ZNF765: variants seen among roughly 807,000 people sequenced by gnomAD.
ZNF765 encodes the protein zinc finger protein 765.
A neutral mutation model predicts 44.7 loss-of-function variants in ZNF765; 37 were observed. That is an observed-to-expected ratio of 0.83 (90% CI 0.64 to 1.09). The LOEUF is 1.09. ZNF765 is among the 50% of genes least tolerant of loss of function. The pLI is 0.00. For missense variants in ZNF765, 594 were observed against 626.1 expected (o/e 0.95, Z 0.55); for synonymous variants, 201 against 213.7 (o/e 0.94, Z 0.52).
exon 4 of ZNF765, chr19:53,425,100 C>G (rs895954670): frequency 1.3e-5 from 2 of 152,294 alleles, no homozygotes; most frequent in African/African-American, 2.4e-5. Flanking sequence ...GTCCCCGAAG[C>G]TGACACTGAG....
Position 53,409,925 on chromosome 19 carries a change from G to T in ZNF765, c.*798G>T. ...GCAGTCAGCATTTTACAAATGTAATGATTGTCACCAAGTCTTGAGTAATGC... is the reference window on the plus strand; with the variant it reads ...GCAGTCAGCATTTTACAAATGTAATTATTGTCACCAAGTCTTGAGTAATGC... On this transcript the variant is annotated 3_prime_UTR_variant, in exon 4 of 4. Transcript: ENST00000396408. 1 of 611,690 alleles carries T rather than the reference G, an allele frequency of 1.6e-6. No homozygotes were observed. The highest frequency in any genetic ancestry group is 1.4e-5 in the South Asian group (1 of 71,330). 37.9% of individuals were successfully genotyped at this position (611,690 alleles called of 1,614,324 possible).
At position 53,409,618 on chromosome 19, in the gene ZNF765, A is replaced by C. The variant is rs1446535008; in HGVS notation, c.*491A>C. On this transcript the variant is annotated 3_prime_UTR_variant, in exon 4 of 4. Transcript: ENST00000396408. ...ATTCATACTGGAGAGAAACCATACA[A>C]GTGTAATGAGTGTGGCAAGACCTTT... 4.1e-6 allele frequency: 6 copies of C among 1,455,792 alleles called. No individual in the cohort carries two copies. Among genetic ancestry groups the C allele is most frequent in the East Asian group, 4.6e-5 (2 of 43,616 alleles). 90.2% of individuals were successfully genotyped at this position (1,455,792 alleles called of 1,614,324 possible).
chr19:53,419,430 A>G (rs1193049110), intron 3 of ZNF765, among the ~76,000 whole-genome samples: 4 of 152,192 alleles, frequency 2.6e-5, no homozygotes, highest in African/African-American at 9.7e-5. Context: ...TTGAAAACAT[A>G]AGGAGTCTGT....
downstream of ZNF765, chr19:53,412,101 CAT>C: frequency 3.6e-6 from 1 of 274,988 alleles, no homozygotes; most frequent in South Asian, 3.3e-5. Context: ...ACTCTTGCAT[CAT>C]GTGAGATCCT....
chr19:53,415,440 A>G (rs1429363798), downstream of ZNF765, among the ~76,000 whole-genome samples: 2 of 152,156 alleles, frequency 1.3e-5, no homozygotes, highest in African/African-American at 4.8e-5. Context: ...TTCAGATGCA[A>G]TTTTAGATAT....
At chr19:53,419,885 G>A (rs891009455) in intron 3 of ZNF765, among the ~76,000 whole-genome samples, 2 of 152,024 alleles carry the variant, frequency 1.3e-5, no homozygotes, top group East Asian at 3.9e-4. Context: ...TGGGCATGGT[G>A]GCAGGCGCCT....
chr19:53,414,435 C>CAA (rs1491405659), downstream of ZNF765, among the ~76,000 whole-genome samples: 11 of 37,590 alleles, frequency 2.9e-4, no homozygotes, highest in South Asian at 1.3e-3. Context: ...ACCCTCCCCA[C>CAA]CACACACACA....
rs1600045471 is a variant in ZNF765, at chr19:53,397,680, C to T, written c.-73-263C>T. Among the ~76,000 whole-genome samples, 9 of 152,164 alleles carry T rather than the reference C, an allele frequency of 5.9e-5. No individual in the cohort carries two copies. The South Asian group carries it at 1.9e-3, about 32-fold the overall frequency. ...ACAGGCATGAGCCACCGCACCCAGC[C>T]TTTGCATGAGGTTTGGTCAGGCCTG... On this transcript the variant is annotated intron_variant, in intron 1 of 3. Transcript: ENST00000396408.
chr19:53,407,941 A>G lies in ZNF765; in HGVS notation c.386A>G (p.Asn129Ser), dbSNP rs1198114002. 3.7e-6 allele frequency: 6 copies of G among 1,614,094 alleles called. No homozygotes were observed. Among genetic ancestry groups the G allele is most frequent in the South Asian group, 1.1e-5 (1 of 91,086 alleles). ...LTGSTERYDQ[N>S]YAGNKPVKYQ... ...GGTAGTACAGAGCGATATGATCAAA[A>G]TTATGCTGGAAACAAGCCTGTTAAA... is the stretch of plus-strand genomic sequence containing the variant. Residue 129 changes from asparagine to serine, a missense_variant, in exon 4 of 4, where the codon AAT becomes AGT. Asn to Ser is a conservative substitution (Grantham distance 46). Around this residue, in one of 2 missense-constraint regions of ZNF765, gnomAD observed 567 missense variants for 572.6 expected, o/e 0.99. Transcript: ENST00000396408.
At chr19:53,397,782 G>A (rs1463134448) in intron 1 of ZNF765, among the ~76,000 whole-genome samples, 161 bp from the exon 2 acceptor site, 2 of 152,020 alleles carry the variant, frequency 1.3e-5, no homozygotes, top group Non-Finnish European at 2.9e-5. Context: ...TCTCCGGGAG[G>A]GGAGTGGGAG....
Position 53,408,957 on chromosome 19 carries a change from T to A in ZNF765, c.1402T>A (p.Cys468Ser), listed in dbSNP as rs529733390. 3 of 1,604,290 alleles carry A rather than the reference T, an allele frequency of 1.9e-6. No homozygotes were observed. Among genetic ancestry groups the A allele is most frequent in the African/African-American group, 1.3e-5 (1 of 74,694 alleles). The change falls in exon 4 of 4, where the codon TGT becomes AGT. Residue 468 changes from cysteine to serine, a missense_variant. Physicochemically the swap from Cys to Ser is moderately radical, Grantham distance 112 (BLOSUM62 -1). This residue lies in a region of ZNF765 where 567 missense variants were observed against 572.6 expected (regional missense o/e 0.99). Coordinates refer to ENST00000396408, the MANE Select transcript of ZNF765 (RefSeq NM_001040185.3). ...KIHTEENPYKCNECGKTFSRT... is the reference protein window; with the variant it reads ...KIHTEENPYKSNECGKTFSRT... Reference sequence around the variant, plus strand: ...TCATACTGAAGAGAATCCTTACAAGTGTAATGAGTGTGGCAAGACCTTCAG... The same window carrying A: ...TCATACTGAAGAGAATCCTTACAAGAGTAATGAGTGTGGCAAGACCTTCAG...
chr19:53,405,867 T>C (rs2085767685), intron 3 of ZNF765, among the ~76,000 whole-genome samples: 2 of 139,146 alleles, frequency 1.4e-5, no homozygotes, highest in African/African-American at 5.3e-5. Flanking sequence ...CTATGTTTTA[T>C]ATTTTGTGCA....
chr19:53,416,331 A>C (rs1013715257), downstream of ZNF765, among the ~76,000 whole-genome samples: 5 of 152,164 alleles, frequency 3.3e-5, no homozygotes, highest in Admixed American at 2.0e-4. Flanking sequence ...GCTTGAACGC[A>C]AGAGGCAGAG....
intron 1 of ZNF765, among the ~76,000 whole-genome samples, chr19:53,395,464 C>T (rs865896468): frequency 2.6e-5 from 4 of 152,244 alleles, no homozygotes; most frequent in Admixed American, 6.5e-5. Flanking sequence ...TTTCTGACTC[C>T]TCCCGTCCCG....
At chr19:53,422,216 A>G (rs1185380315) in intron 3 of ZNF765, among the ~76,000 whole-genome samples, 1 of 152,228 alleles carries the variant, frequency 6.6e-6, no homozygotes, top group Non-Finnish European at 1.5e-5. Flanking sequence ...ATGTATGTTC[A>G]TTATTGGAAG....
In ZNF765 at chr19:53,407,871, A is replaced by C; in HGVS notation, c.316A>C (p.Arg106=). ...TGAGTTTCAGTGGCAAGAAGATGAA[A>C]GAAATGGCCATGAAGCACTCATGAC... ...DIEFQWQEDE[R]NGHEALMTKI... is the part of the protein sequence containing the mutation. The change falls in exon 4 of 4, where the codon AGA becomes CGA. Residue 106 remains arginine, a synonymous_variant. Coordinates refer to ENST00000396408, the MANE Select transcript of ZNF765 (RefSeq NM_001040185.3). The C allele has an allele frequency of 6.2e-7, 1 of 1,613,816 alleles. No individual in the cohort carries two copies. The highest frequency in any genetic ancestry group is 2.2e-5 in the East Asian group (1 of 44,876).
exon 4 of ZNF765, chr19:53,423,844 C>T (rs1319208568): frequency 3.7e-5 from 6 of 160,314 alleles, no homozygotes; most frequent in Non-Finnish European, 4.1e-5. Flanking sequence ...CTGTTTTATT[C>T]TGTACCTCCT....
rs1491167333 is a variant in ZNF765, at chr19:53,409,778, CCT to C, written c.*652_*653del. 3 of 813,396 alleles carry C rather than the reference CCT, an allele frequency of 3.7e-6. No individual in the cohort carries two copies. The highest frequency in any genetic ancestry group is 6.4e-6 in the Non-Finnish European group (3 of 468,888). 50.4% of individuals were successfully genotyped at this position (813,396 alleles called of 1,614,324 possible). A position where few individuals can be genotyped will look rare whatever the true frequency, so the allele number is the denominator to read the frequency against. On this transcript the variant is annotated 3_prime_UTR_variant, in exon 4 of 4. Transcript: ENST00000396408. ...TCATAGACTTCATACTGGAGAGATA[CCT>C]TAAAAGTGTAGTGAGTGTGGCAAGA...
Position 53,409,280 on chromosome 19 carries a change from A to G in ZNF765, c.*153A>G, listed in dbSNP as rs562332342. On this transcript the variant is annotated 3_prime_UTR_variant, in exon 4 of 4. Transcript: ENST00000396408. The stretch of plus-strand genomic sequence containing the variant: ...CATCAGAAAATTCGTACTGAAGAGA[A>G]TCTTACAAGTGTAATGAGTGTGGCA... The G allele has an allele frequency of 4.0e-6, 4 of 1,005,516 alleles. No homozygotes were observed. Among genetic ancestry groups the G allele is most frequent in the South Asian group, 2.6e-5 (2 of 77,816 alleles). 62.3% of individuals were successfully genotyped at this position (1,005,516 alleles called of 1,614,324 possible). A position where few individuals can be genotyped will look rare whatever the true frequency, so the allele number is the denominator to read the frequency against.
Sources: gnomAD v4.1 joint callset for allele counts (sites outside exome capture counted in the v4.1 genomes callset) on GRCh38, gnomAD v4.1.1 for gene constraint, gnomAD v4.1.1 regional missense constraint, MANE v1.5 for transcripts, NCBI Gene and HGNC (gene_info 2026-07-23, HGNC 2026-07-21) for gene names.